PARD3: variants seen among roughly 807,000 people sequenced by gnomAD.
PARD3 encodes par-3 family cell polarity regulator.
A neutral mutation model predicts 155.4 loss-of-function variants in PARD3; 75 were observed. That is an observed-to-expected ratio of 0.48 (90% CI 0.40 to 0.58). The LOEUF (loss-of-function observed/expected upper bound fraction) is 0.58. PARD3 is among the 20% of genes least tolerant of loss of function. The probability of loss-of-function intolerance (pLI) is 0.00; values close to 1 mark genes in which losing one functional copy is unlikely to be tolerated. For synonymous variants in PARD3, 576 were observed against 610.5 expected, an observed-to-expected ratio of 0.94 and a Z score of 0.83; for missense variants, 1,642 against 1,721.7, an observed-to-expected ratio of 0.95 and a Z score of 0.82.
intron 23 of PARD3, among the ~76,000 whole-genome samples, chr10:34,120,085 T>C (rs941011415): frequency 1.4e-5 from 2 of 142,014 alleles, no homozygotes; most frequent in African/African-American, 5.2e-5. Flanking sequence ...AGTGCAATCA[T>C]GGCTCACTGC....
chr10:34,787,098 T>C (rs909857997), intron 1 of PARD3, among the ~76,000 whole-genome samples: 5 of 152,116 alleles, frequency 3.3e-5, no homozygotes, highest in African/African-American at 9.7e-5. Context: ...AATATAAAGA[T>C]AGGCCAGGCA....
intron 3 of PARD3, among the ~76,000 whole-genome samples, chr10:34,507,252 A>G (rs778840474): frequency 1.2e-4 from 18 of 152,166 alleles, no homozygotes; most frequent in Non-Finnish European, 2.6e-4. Context: ...TTTTTAATGC[A>G]AAAAAGAACA....
At chr10:34,565,260 CTTTTTTTTTTTTTT>C (rs59606413) in intron 2 of PARD3, among the ~76,000 whole-genome samples, 2 of 39,668 alleles carry the variant, frequency 5.0e-5, no homozygotes, top group Admixed American at 3.1e-4. Context: ...AGGAGCAAGG[CTTTTTTTTTTTTTT>C]TTTTTTTTTT....
At chr10:34,652,537 CGACTCCA>C (rs1351131051) in intron 2 of PARD3, among the ~76,000 whole-genome samples, 1 of 152,174 alleles carries the variant, frequency 6.6e-6, no homozygotes, top group East Asian at 1.9e-4. Flanking sequence ...GATAGAAATA[CGACTCCA>C]AGACAGTCAA....
rs2132000885 is a variant in PARD3 at position 34,382,573 on chromosome 10, T to A, written c.1366A>T (p.Ile456Leu). 1.2e-6 allele frequency: 2 copies of A among 1,612,238 alleles called. No homozygotes were observed. The highest frequency in any genetic ancestry group is 1.7e-6 in the Non-Finnish European group (2 of 1,179,328). Residue 456 changes from isoleucine (I) to leucine (L), a missense_variant, in exon 9 of 25, where the codon ATA becomes TTA. Ile to Leu is a conservative substitution (Grantham distance 5, BLOSUM62 2). Around this residue, in one of 3 missense-constraint regions of PARD3, gnomAD observed 1,529 missense variants for 1,587.3 expected, o/e 0.96. Coordinates refer to ENST00000374788, the MANE Select transcript of PARD3 (RefSeq NM_001184785.2). ...AGCTGGATATTAAGCCTCTTGCCTA[T>A]TTTTTTGGTGTTATAACCACTGCTT... ...TVSSGYNTKK[I>L]GKRLNIQLKK...
intron 1 of PARD3, among the ~76,000 whole-genome samples, chr10:34,757,508 C>A (rs765811180): frequency 1.3e-5 from 2 of 152,060 alleles, no homozygotes; most frequent in African/African-American, 2.4e-5. Context: ...AGTTCGAGAG[C>A]AACCTGGCCA....
intron 14 of PARD3, among the ~76,000 whole-genome samples, chr10:34,348,763 C>A (rs748068028): frequency 6.6e-6 from 1 of 152,060 alleles, no homozygotes; most frequent in Non-Finnish European, 1.5e-5. Context: ...GTGTACAGAA[C>A]AATATGAAAA....
At chr10:34,745,964 T>G (rs1195450535) in intron 1 of PARD3, among the ~76,000 whole-genome samples, 1 of 151,972 alleles carries the variant, frequency 6.6e-6, no homozygotes, top group African/African-American at 2.4e-5. Flanking sequence ...TAGCCGGGCA[T>G]GGTGGCGAGC....
intron 3 of PARD3, among the ~76,000 whole-genome samples, chr10:34,498,063 A>C (rs1361277674): frequency 6.6e-6 from 1 of 152,188 alleles, no homozygotes; most frequent in Non-Finnish European, 1.5e-5. Context: ...TCCATAAGAT[A>C]TATTACTATA....
At chr10:34,215,767 G>A (rs560642920) in intron 22 of PARD3, among the ~76,000 whole-genome samples, 4 of 152,296 alleles carry the variant, frequency 2.6e-5, no homozygotes, top group Non-Finnish European at 5.9e-5. Flanking sequence ...AATTATATTC[G>A]CAGTTAAATG....
At chr10:34,519,820 AATAACATAAC>A (rs59584708) in intron 2 of PARD3, among the ~76,000 whole-genome samples, 6,941 of 133,888 alleles carry the variant, frequency 0.052, 209 homozygotes, top group Non-Finnish European at 0.058. Flanking sequence ...TCTCAAAATA[AATAACATAAC>A]ATAACATAAC....
At chr10:34,666,800 T>C (rs199709305) in intron 2 of PARD3, among the ~76,000 whole-genome samples, 1 of 22,602 alleles carries the variant, frequency 4.4e-5, no homozygotes, top group African/African-American at 9.6e-5. Context: ...AAAAAAAATA[T>C]ATATATATAT....
At chr10:34,805,900 C>G (rs1843318254) in intron 1 of PARD3, among the ~76,000 whole-genome samples, 1 of 151,890 alleles carries the variant, frequency 6.6e-6, no homozygotes, top group East Asian at 2.0e-4. Flanking sequence ...TGGCGTGAAC[C>G]TAGGAGGTGG....
intron 2 of PARD3, among the ~76,000 whole-genome samples, chr10:34,551,920 G>C (rs1023856674): frequency 6.6e-6 from 1 of 152,208 alleles, no homozygotes. Context: ...TAGCAACACA[G>C]TGTTACTGTC....
intron 2 of PARD3, among the ~76,000 whole-genome samples, chr10:34,521,451 A>G (rs1303362827): frequency 6.6e-6 from 1 of 152,120 alleles, no homozygotes; most frequent in Non-Finnish European, 1.5e-5. Flanking sequence ...AAAGTAAAGG[A>G]AAAGTCTTTT....
chr10:34,725,105 TTGTGTGTGTGTGTGTGTGTGTGTG>T (rs71033342), intron 1 of PARD3, among the ~76,000 whole-genome samples: 2 of 135,784 alleles, frequency 1.5e-5, no homozygotes, highest in South Asian at 2.7e-4. Flanking sequence ...AGTCAAAACT[TTGTGTGTGTGTGTGTGTGTGTGTG>T]TGTGTGTGTG....
At chr10:34,653,728 A>G (rs1306363510) in intron 2 of PARD3, among the ~76,000 whole-genome samples, 1 of 150,486 alleles carries the variant, frequency 6.6e-6, no homozygotes, top group Non-Finnish European at 1.5e-5. Context: ...GGATGCAGTG[A>G]GCTATGTTCG....
intron 2 of PARD3, among the ~76,000 whole-genome samples, chr10:34,647,315 G>A (rs998220507): frequency 3.9e-5 from 6 of 152,122 alleles, no homozygotes; most frequent in Non-Finnish European, 8.8e-5. Flanking sequence ...AGAGCACACC[G>A]CACACAGTAG....
chr10:34,356,482 C>A (rs1838890844), intron 14 of PARD3, among the ~76,000 whole-genome samples: 2 of 152,182 alleles, frequency 1.3e-5, no homozygotes, highest in African/African-American at 4.8e-5. Context: ...TTCTTACCTT[C>A]CCTAACTAGA....
Sources: gnomAD v4.1 joint callset for allele counts (sites outside exome capture counted in the v4.1 genomes callset) on GRCh38, gnomAD v4.1.1 for gene constraint, gnomAD v4.1.1 regional missense constraint, MANE v1.5 for transcripts, NCBI Gene and HGNC (gene_info 2026-07-23, HGNC 2026-07-21) for gene names.